Variants in SUGCT observed in about 807,000 individuals in gnomAD.
The protein encoded by SUGCT is succinyl-CoA:glutarate CoA-transferase.
SUGCT carries 41 observed loss-of-function variants against 55.0 expected under a neutral mutation model. That is an observed-to-expected ratio of 0.74 (90% CI 0.58 to 0.97). The LOEUF is 0.97. SUGCT is among the 50% of genes least tolerant of loss of function. The probability of loss-of-function intolerance (pLI) is 0.00; values close to 1 mark genes in which losing one functional copy is unlikely to be tolerated. For synonymous variants in SUGCT, 187 were observed against 200.4 expected (o/e 0.93, Z 0.56); for missense variants, 568 against 547.8 (o/e 1.04, Z -0.37).
intron 2 of SUGCT, among the ~76,000 whole-genome samples, chr7:40,181,533 C>T (rs949754621): frequency 6.6e-6 from 1 of 151,998 alleles, no homozygotes; most frequent in African/African-American, 2.4e-5. Flanking sequence ...ATCATGAGGT[C>T]AGGAGATCGA....
intron 9 of SUGCT, among the ~76,000 whole-genome samples, chr7:40,320,513 G>T (rs1352038864): frequency 6.6e-6 from 1 of 152,180 alleles, no homozygotes; most frequent in Non-Finnish European, 1.5e-5. Flanking sequence ...TCTCCAAAAA[G>T]AATATATTTT....
At chr7:40,441,474 A>G (rs1788511615) in intron 9 of SUGCT, among the ~76,000 whole-genome samples, 1 of 152,194 alleles carries the variant, frequency 6.6e-6, no homozygotes, top group Non-Finnish European at 1.5e-5. Flanking sequence ...AAACAAACTA[A>G]AAAAACCCCT....
At chr7:40,949,087 C>A in the SUGCT span, among the ~76,000 whole-genome samples, 1 of 152,188 alleles carries the variant, frequency 6.6e-6, no homozygotes, top group African/African-American at 2.4e-5. Context: ...TAAAAGCATT[C>A]CTAGTTCTCC....
intron 12 of SUGCT, among the ~76,000 whole-genome samples, chr7:40,575,833 T>C (rs2151699884): frequency 6.6e-6 from 1 of 151,276 alleles, no homozygotes; most frequent in South Asian, 2.1e-4. Context: ...TAATCCCAGC[T>C]ACTCAACAGG....
intron 13 of SUGCT, among the ~76,000 whole-genome samples, chr7:40,784,188 A>C (rs570186119): frequency 3.2e-4 from 48 of 152,132 alleles, no homozygotes; most frequent in Non-Finnish European, 4.7e-4. Context: ...AAAGAGAAGC[A>C]GGTAGTTTGG....
intron 12 of SUGCT, among the ~76,000 whole-genome samples, chr7:40,650,448 G>T (rs79785350): frequency 0.031 from 4,732 of 152,208 alleles, 261 homozygotes; most frequent in African/African-American, 0.11. Flanking sequence ...TGAATAATCT[G>T]AGATCATTTA....
the SUGCT span, among the ~76,000 whole-genome samples, chr7:40,866,847 A>G: frequency 6.6e-6 from 1 of 152,002 alleles, no homozygotes; most frequent in Admixed American, 6.6e-5. Flanking sequence ...CTGACAAACC[A>G]CGGAGAGATG....
chr7:40,257,407 T>C (rs1324664368), intron 7 of SUGCT, among the ~76,000 whole-genome samples: 2 of 152,142 alleles, frequency 1.3e-5, no homozygotes, highest in African/African-American at 2.4e-5. Flanking sequence ...CGCTGGAATC[T>C]GTAATACTGA....
the SUGCT span, among the ~76,000 whole-genome samples, chr7:41,036,382 GACAA>G: frequency 6.6e-6 from 1 of 152,174 alleles, no homozygotes; most frequent in Non-Finnish European, 1.5e-5. Context: ...GATATTACAA[GACAA>G]ACAACCTGGG....
At chr7:40,339,638 A>G (rs112370725) in intron 9 of SUGCT, among the ~76,000 whole-genome samples, 2,316 of 152,264 alleles carry the variant, frequency 0.015, 49 homozygotes, top group South Asian at 0.059. Flanking sequence ...TCCAGGTGCC[A>G]TCTGTCACAG....
At chr7:40,653,069 G>A (rs924724093) in intron 12 of SUGCT, among the ~76,000 whole-genome samples, 6 of 152,172 alleles carry the variant, frequency 3.9e-5, no homozygotes, top group Non-Finnish European at 2.9e-5. Flanking sequence ...CTACCATGAA[G>A]AGGAGACTTA....
chr7:40,620,625 G>C (rs946743620), intron 12 of SUGCT, among the ~76,000 whole-genome samples: 1 of 152,028 alleles, frequency 6.6e-6, no homozygotes, highest in African/African-American at 2.4e-5. Flanking sequence ...CTGGTTTTGA[G>C]CTCCTGAACT....
intron 8 of SUGCT, among the ~76,000 whole-genome samples, chr7:40,277,044 A>G (rs1340456888): frequency 6.6e-6 from 1 of 152,222 alleles, no homozygotes; most frequent in African/African-American, 2.4e-5. Flanking sequence ...GAAGATGTGA[A>G]AAGATAGTAA....
chr7:40,933,564 G>C, the SUGCT span, among the ~76,000 whole-genome samples: 1 of 152,130 alleles, frequency 6.6e-6, no homozygotes, highest in Non-Finnish European at 1.5e-5. Flanking sequence ...TCACTTTCAG[G>C]TATACCAATT....
intron 1 of SUGCT, among the ~76,000 whole-genome samples, chr7:40,170,518 CAT>C (rs1349894466): frequency 6.6e-6 from 1 of 152,166 alleles, no homozygotes; most frequent in Admixed American, 6.5e-5. Flanking sequence ...GAAAAAAGAA[CAT>C]AGGGATGCCA....
Position 40,415,090 on chromosome 7 carries a change from A to G in SUGCT, c.817-34197A>G, listed in dbSNP as rs141168315. On this transcript the variant is annotated intron_variant, in intron 9 of 13. Coordinates refer to ENST00000335693, the MANE Select transcript of SUGCT (RefSeq NM_001193313.2). ...TATCTATCTATCTATCTATCTATCT[A>G]TCTATCTATCTATCTATCTATCTAT... 1.5e-4 allele frequency among the ~76,000 whole-genome samples: 22 copies of G among 143,696 alleles called. 1 individual carries two copies. The highest frequency in any genetic ancestry group is 2.0e-4 in the Non-Finnish European group (13 of 65,710). The allele number at this position is 143,696 out of a possible 152,430, so 94.3% of individuals were successfully genotyped here. A position where few individuals can be genotyped will look rare whatever the true frequency, so the allele number is the denominator to read the frequency against.
At position 40,329,053 on chromosome 7, in the gene SUGCT, C is replaced by T. The variant is rs975996117; in HGVS notation, c.816+12198C>T. Among the ~76,000 whole-genome samples, 6 of 152,122 alleles carry T rather than the reference C, an allele frequency of 3.9e-5. No individual in the cohort carries two copies. The East Asian group carries it at 5.8e-4, about 15-fold the overall frequency. On this transcript the variant is annotated intron_variant, in intron 9 of 13. Transcript: ENST00000335693. ...ACTAGTTTATGGAAACAGTTGGATTCGCATGTAGTTACATGTCCTGTTTTG... is the reference window on the plus strand; with the variant it reads ...ACTAGTTTATGGAAACAGTTGGATTTGCATGTAGTTACATGTCCTGTTTTG...
intron 9 of SUGCT, among the ~76,000 whole-genome samples, chr7:40,413,864 G>A (rs1482775300): frequency 6.6e-6 from 1 of 152,052 alleles, no homozygotes; most frequent in African/African-American, 2.4e-5. Flanking sequence ...ATGAATTACA[G>A]TTTTCTTTAT....
chr7:41,007,825 A>C, the SUGCT span, among the ~76,000 whole-genome samples: 1 of 132,604 alleles, frequency 7.5e-6, no homozygotes, highest in East Asian at 2.0e-4. Context: ...CTGAAATCCA[A>C]AAAAAAAAAA....
Sources: gnomAD v4.1 joint callset for allele counts (sites outside exome capture counted in the v4.1 genomes callset) on GRCh38, gnomAD v4.1.1 for gene constraint, MANE v1.5 for transcripts, NCBI Gene and HGNC (gene_info 2026-07-23, HGNC 2026-07-21) for gene names.